Variants in MGST1 observed in about 807,000 individuals in gnomAD.
MGST1 encodes microsomal glutathione S-transferase 1.
A neutral mutation model predicts 8.9 loss-of-function variants in MGST1; 5 were observed. That is an observed-to-expected ratio of 0.56 (90% CI 0.29 to 1.19). The LOEUF is 1.19. MGST1 is among the 50% of genes most tolerant of loss of function. The probability of loss-of-function intolerance (pLI) is 0.08; values close to 1 mark genes in which losing one functional copy is unlikely to be tolerated. For missense variants in MGST1, 182 were observed against 187.4 expected (o/e 0.97, Z 0.17); for synonymous variants, 54 against 67.8 (o/e 0.80, Z 1.00).
chr12:16,479,235 C>CTT (rs542448251), intron 4 of MGST1, among the ~76,000 whole-genome samples: 1,370 of 111,992 alleles, frequency 0.012, 107 homozygotes, highest in African/African-American at 0.045. Context: ...TAGACTGTAT[C>CTT]TTTTTTTTTT....
chr12:16,464,110 G>A (rs1159243665), intron 4 of MGST1, among the ~76,000 whole-genome samples: 2 of 152,176 alleles, frequency 1.3e-5, no homozygotes, highest in African/African-American at 4.8e-5. Flanking sequence ...GGTATACAAA[G>A]ACTTTATAAG....
chr12:16,417,375 G>A (rs1156645675), intron 1 of MGST1, among the ~76,000 whole-genome samples: 1 of 152,112 alleles, frequency 6.6e-6, no homozygotes, highest in Admixed American at 6.6e-5. Context: ...CTCCCATGAA[G>A]TCCCTCCCCA....
At chr12:16,545,365 A>G (rs1941816867) in intron 4 of MGST1, among the ~76,000 whole-genome samples, 2 of 152,050 alleles carry the variant, frequency 1.3e-5, no homozygotes, top group Admixed American at 1.3e-4. Context: ...CAGGCAAATA[A>G]CACTTAAAGA....
At chr12:16,394,691 G>C (rs1940589851) in intron 1 of MGST1, among the ~76,000 whole-genome samples, 1 of 151,770 alleles carries the variant, frequency 6.6e-6, no homozygotes, top group African/African-American at 2.4e-5. Flanking sequence ...TCCACCTCCT[G>C]GGTTCAAGCA....
intron 4 of MGST1, among the ~76,000 whole-genome samples, chr12:16,496,008 G>A (rs1014788419): frequency 2.0e-5 from 3 of 151,958 alleles, no homozygotes; most frequent in East Asian, 1.9e-4. Context: ...AAAATATAAC[G>A]TTGCAGGGAT....
At chr12:16,399,647 G>T in intron 1 of MGST1, 4 of 1,595,440 alleles carry the variant, frequency 2.5e-6, no homozygotes, top group East Asian at 2.2e-5. Context: ...TCCCCTCATC[G>T]TCAGGCTCCA....
At chr12:16,522,375 T>C (rs1941653735) in intron 4 of MGST1, among the ~76,000 whole-genome samples, 1 of 152,118 alleles carries the variant, frequency 6.6e-6, no homozygotes, top group Non-Finnish European at 1.5e-5. Context: ...TCTTGTACTT[T>C]GGCATAACTC....
Position 16,364,241 on chromosome 12 carries a change from T to G in MGST1, c.*200T>G. On this transcript the variant is annotated 3_prime_UTR_variant, in exon 4 of 4. Coordinates refer to ENST00000396210, the MANE Select transcript of MGST1 (RefSeq NM_020300.5). This position sits in a 1 kb window ranked among gnomAD's most constrained non-coding sequence, Gnocchi z 5.7. ...ATTAGAAATTTAACATAGTAATTCTTAAGTCTTTTGTCTGATTTTTAAAGT... is the reference window on the plus strand; with the variant it reads ...ATTAGAAATTTAACATAGTAATTCTGAAGTCTTTTGTCTGATTTTTAAAGT... 1 of 1,267,124 alleles carries G rather than the reference T, an allele frequency of 7.9e-7. No individual in the cohort carries two copies. Among genetic ancestry groups the G allele is most frequent in the Non-Finnish European group, 1.0e-6 (1 of 1,004,990 alleles). The allele number at this position is 1,267,124 out of a possible 1,614,324, so 78.5% of individuals were successfully genotyped here. A position where few individuals can be genotyped will look rare whatever the true frequency, so the allele number is the denominator to read the frequency against.
rs537369176 is a variant in MGST1 at position 16,347,950 on chromosome 12, A to G, written c.-23+240A>G. The stretch of plus-strand genomic sequence containing the variant: ...AGGAATGAAACGAGAGAGTCTTTTC[A>G]TGCTTGAGTGATGATTTCCAAACTT... On this transcript the variant is annotated intron_variant, in intron 1 of 3. Transcript: ENST00000396210. The surrounding 1 kb of genome is among the most constrained non-coding windows in gnomAD (Gnocchi z 4.0). 11 of 152,348 alleles carry G rather than the reference A, an allele frequency of 7.2e-5. No individual in the cohort carries two copies. Among genetic ancestry groups the G allele is most frequent in the Admixed American group, 5.2e-4 (8 of 15,306 alleles). 9.4% of individuals were successfully genotyped at this position (152,348 alleles called of 1,614,324 possible).
At chr12:16,402,391 A>G (rs1940664970) in intron 1 of MGST1, 2 of 1,604,728 alleles carry the variant, frequency 1.2e-6, no homozygotes, top group Non-Finnish European at 1.7e-6. Flanking sequence ...CTCACCGATA[A>G]TAAGCGTCTT....
chr12:16,474,496 CT>C (rs947184645), intron 4 of MGST1, among the ~76,000 whole-genome samples: 10 of 152,198 alleles, frequency 6.6e-5, no homozygotes, highest in African/African-American at 2.4e-4. Context: ...TTCAAAATTA[CT>C]CTACCCCAAA....
chr12:16,399,788 G>A, intron 1 of MGST1: 5 of 1,188,562 alleles, frequency 4.2e-6, no homozygotes, highest in South Asian at 2.4e-5. Context: ...ATTCCTTGAT[G>A]GGTCAAGAGA....
intron 1 of MGST1, among the ~76,000 whole-genome samples, chr12:16,394,396 C>CTCTT (rs751234596): frequency 1.1e-4 from 16 of 150,234 alleles, no homozygotes; most frequent in African/African-American, 2.7e-4. Flanking sequence ...TTCTTTCTCT[C>CTCTT]TCTTTCTTTC....
intron 4 of MGST1, among the ~76,000 whole-genome samples, chr12:16,480,148 T>A (rs1273675751): frequency 6.7e-6 from 1 of 149,874 alleles, no homozygotes; most frequent in Non-Finnish European, 1.5e-5. Context: ...TTTGCTTTTT[T>A]TTTTTTTTTT....
intron 4 of MGST1, among the ~76,000 whole-genome samples, chr12:16,534,759 C>T (rs1941744546): frequency 6.7e-6 from 1 of 150,022 alleles, no homozygotes; most frequent in African/African-American, 2.4e-5. Context: ...GATAATGATT[C>T]TCAACTTGAA....
intron 1 of MGST1, among the ~76,000 whole-genome samples, chr12:16,414,071 AAAT>A (rs1555100980): frequency 1.3e-3 from 204 of 151,654 alleles, no homozygotes; most frequent in African/African-American, 4.7e-3. Context: ...ACAAAAAAAA[AAAT>A]AATAATAATA....
chr12:16,444,643 A>C (rs888505633), intron 4 of MGST1, among the ~76,000 whole-genome samples: 2 of 151,902 alleles, frequency 1.3e-5, no homozygotes, highest in African/African-American at 4.8e-5. Context: ...GTTATATAGA[A>C]TGTTTCACAT....
intron 4 of MGST1, among the ~76,000 whole-genome samples, chr12:16,451,643 C>CA (rs1941130149): frequency 6.6e-6 from 1 of 151,784 alleles, no homozygotes; most frequent in Non-Finnish European, 1.5e-5. Context: ...ATATGATATA[C>CA]AGATCACTAT....
intron 3 of MGST1, chr12:16,370,080 A>G (rs1940266351): frequency 6.6e-6 from 1 of 152,224 alleles, no homozygotes; most frequent in South Asian, 2.1e-4. Context: ...CACATGTAAA[A>G]GCATTTTATA....
Sources: gnomAD v4.1 joint callset for allele counts (sites outside exome capture counted in the v4.1 genomes callset) on GRCh38, gnomAD v4.1.1 for gene constraint, Gnocchi (gnomAD v3.1) non-coding constraint, MANE v1.5 for transcripts, NCBI Gene and HGNC (gene_info 2026-07-23, HGNC 2026-07-21) for gene names.